The following NELL1 variants were observed in gnomAD, a reference collection of about 807,000 sequenced individuals.
NELL1 encodes the protein protein kinase C-binding protein NELL1.
In NELL1, 76 loss-of-function variants were observed where a neutral mutation model predicts 107.4. That is an observed-to-expected ratio of 0.71 (90% CI 0.59 to 0.86). The LOEUF is 0.86. Among genes scored for constraint, NELL1 ranks in the 40% least tolerant of loss-of-function variants. The pLI, the probability that NELL1 is intolerant of heterozygous loss-of-function variation, is 0.00. For missense variants in NELL1, 1,024 were observed against 1,005.5 expected, an observed-to-expected ratio of 1.02 and a Z score of -0.25; for synonymous variants, 353 against 341.2, an observed-to-expected ratio of 1.03 and a Z score of -0.38.
At chr11:21,406,524 T>G (rs1852240285) in intron 15 of NELL1, among the ~76,000 whole-genome samples, 1 of 152,024 alleles carries the variant, frequency 6.6e-6, no homozygotes, top group African/African-American at 2.4e-5. Flanking sequence ...ATTATATTCT[T>G]TGTACAGGTG....
chr11:21,422,654 A>T (rs1157423928), intron 15 of NELL1, among the ~76,000 whole-genome samples: 1 of 152,174 alleles, frequency 6.6e-6, no homozygotes, highest in South Asian at 2.1e-4. Flanking sequence ...TAAATGTAAT[A>T]CTTATAGTAA....
At chr11:21,337,735 C>CTTT (rs1555006062) in intron 14 of NELL1, among the ~76,000 whole-genome samples, 15 of 105,300 alleles carry the variant, frequency 1.4e-4, no homozygotes, top group African/African-American at 1.9e-4. Flanking sequence ...TTCTTTCTTT[C>CTTT]CTTTCTTTCT....
chr11:20,710,084 A>G (rs761385538), intron 2 of NELL1, among the ~76,000 whole-genome samples: 1 of 152,128 alleles, frequency 6.6e-6, no homozygotes, highest in Non-Finnish European at 1.5e-5. Context: ...TTCCAGTACT[A>G]TGTTGCATAG....
At chr11:21,182,989 G>T (rs2133825999) in intron 13 of NELL1, among the ~76,000 whole-genome samples, 1 of 151,956 alleles carries the variant, frequency 6.6e-6, no homozygotes, top group Non-Finnish European at 1.5e-5. Flanking sequence ...TCATTCTGAA[G>T]CTTTGCAGTT....
intron 11 of NELL1, among the ~76,000 whole-genome samples, chr11:20,958,443 A>C (rs893603920): frequency 6.6e-6 from 1 of 152,164 alleles, no homozygotes; most frequent in Non-Finnish European, 1.5e-5. Context: ...GCTAACACAC[A>C]AATAAAAAAG....
chr11:20,838,931 A>AATT (rs1848577037), intron 3 of NELL1, among the ~76,000 whole-genome samples: 2 of 152,304 alleles, frequency 1.3e-5, no homozygotes, highest in South Asian at 2.1e-4. Flanking sequence ...CTTAAGATGC[A>AATT]GTTGTGCAAT....
intron 15 of NELL1, among the ~76,000 whole-genome samples, chr11:21,473,366 G>A (rs765217002): frequency 2.0e-5 from 3 of 151,892 alleles, no homozygotes; most frequent in Non-Finnish European, 4.4e-5. Flanking sequence ...AAACTCATTT[G>A]TTCTGTATTG....
chr11:21,287,865 G>A (rs775477774), intron 14 of NELL1, among the ~76,000 whole-genome samples: 3 of 151,568 alleles, frequency 2.0e-5, no homozygotes, highest in African/African-American at 4.9e-5. Flanking sequence ...ACCATCCCTC[G>A]TTAACTTTAC....
intron 15 of NELL1, among the ~76,000 whole-genome samples, chr11:21,509,314 G>T (rs1855377120): frequency 6.6e-6 from 1 of 152,064 alleles, no homozygotes; most frequent in Non-Finnish European, 1.5e-5. Context: ...TTTCTAGTTT[G>T]GTAGAGTTGA....
At chr11:21,367,747 CTG>C (rs1247358805) in intron 14 of NELL1, among the ~76,000 whole-genome samples, 2 of 152,012 alleles carry the variant, frequency 1.3e-5, no homozygotes, top group African/African-American at 2.4e-5. Context: ...CTTGAGAAAA[CTG>C]AGGCACAGAG....
chr11:20,852,286 T>G (rs576197340), intron 4 of NELL1, among the ~76,000 whole-genome samples: 3 of 152,338 alleles, frequency 2.0e-5, no homozygotes, highest in African/African-American at 7.2e-5. Context: ...CTTTTACTTT[T>G]AACACATGCT....
chr11:20,863,483 G>A (rs1849028671), intron 4 of NELL1, among the ~76,000 whole-genome samples: 1 of 148,890 alleles, frequency 6.7e-6, no homozygotes, highest in Admixed American at 6.7e-5. Context: ...CGGCCGGGCA[G>A]AGACGCTCCT....
intron 14 of NELL1, among the ~76,000 whole-genome samples, chr11:21,360,018 T>G (rs1211085482): frequency 1.3e-5 from 2 of 152,200 alleles, no homozygotes; most frequent in Admixed American, 1.3e-4. Flanking sequence ...TTATTTCTTT[T>G]CTGCTGCTGC....
intron 12 of NELL1, among the ~76,000 whole-genome samples, chr11:20,993,911 AT>A (rs1852033977): frequency 6.8e-6 from 1 of 146,470 alleles, no homozygotes; most frequent in African/African-American, 2.5e-5. Context: ...AAAAAAAAAA[AT>A]CAGTACGAAT....
intron 15 of NELL1, among the ~76,000 whole-genome samples, chr11:21,412,068 G>T (rs1485395116): frequency 6.6e-6 from 1 of 152,092 alleles, no homozygotes; most frequent in African/African-American, 2.4e-5. Flanking sequence ...GAAGTACAGT[G>T]CTGGCAAGTT....
rs370189525 is a variant in NELL1 at position 21,197,571 on chromosome 11, A to G, written c.1427-31761A>G. Among the ~76,000 whole-genome samples the G allele has an allele frequency of 3.0e-3, 462 of 152,306 alleles. 2 individuals carry two copies. Among genetic ancestry groups the G allele is most frequent in the African/African-American group, 0.01 (416 of 41,568 alleles). On this transcript the variant is annotated intron_variant, in intron 13 of 19. Transcript: ENST00000357134. ...TATCAACAGATGCATTGAAGTTCCC[A>G]GGGCAATTACTGAGTTGATGTTGAT...
intron 16 of NELL1, among the ~76,000 whole-genome samples, chr11:21,539,643 C>G (rs1460493691): frequency 6.6e-6 from 1 of 151,294 alleles, no homozygotes; most frequent in East Asian, 2.0e-4. Flanking sequence ...GATGCTCCTT[C>G]TCTTCTCTCC....
intron 12 of NELL1, among the ~76,000 whole-genome samples, chr11:20,979,677 C>T (rs1851710302): frequency 6.6e-6 from 1 of 152,126 alleles, no homozygotes; most frequent in Non-Finnish European, 1.5e-5. Flanking sequence ...TCTTTAAATT[C>T]TTGAATCCTC....
chr11:20,797,920 G>A (rs972370517), intron 3 of NELL1, among the ~76,000 whole-genome samples: 1 of 152,208 alleles, frequency 6.6e-6, no homozygotes, highest in Non-Finnish European at 1.5e-5. Flanking sequence ...ATACAGAAAA[G>A]TAGAAAGGAG....
Sources: allele counts gnomAD v4.1 joint callset (sites outside exome capture counted in the v4.1 genomes callset), GRCh38; gene constraint gnomAD v4.1.1; transcripts MANE v1.5; gene names NCBI Gene and HGNC (gene_info 2026-07-23, HGNC 2026-07-21).